ARHGAP11B: variants seen among roughly 807,000 people sequenced by gnomAD.
The protein encoded by ARHGAP11B is inactive Rho GTPase-activating protein 11B.
In ARHGAP11B, 14 loss-of-function variants were observed where a neutral mutation model predicts 27.6. That is an observed-to-expected ratio of 0.51 (90% confidence interval 0.34 to 0.79). The LOEUF is 0.79. Ranked by LOEUF, ARHGAP11B falls within the 30% of genes least tolerant of loss-of-function variation. The pLI is 0.02. For synonymous variants in ARHGAP11B, 82 were observed against 114.1 expected (o/e 0.72, Z 1.80); for missense variants, 245 against 320.1 (o/e 0.77, Z 1.79).
chr15:30,628,174 G>T (rs1005986391), intron 1 of ARHGAP11B, among the ~76,000 whole-genome samples: 1 of 150,966 alleles, frequency 6.6e-6, no homozygotes, highest in Non-Finnish European at 1.5e-5. Flanking sequence ...TCCGCCTCCC[G>T]GGTTCACGCC....
At chr15:30,648,222 C>G (rs1211775091) in intron 10 of ARHGAP11B, among the ~76,000 whole-genome samples, 3 of 152,048 alleles carry the variant, frequency 2.0e-5, no homozygotes, top group African/African-American at 7.2e-5. Flanking sequence ...TAGCACGTAG[C>G]TTCCCTATGA....
chr15:30,630,953 T>A (rs2060241605), intron 2 of ARHGAP11B, among the ~76,000 whole-genome samples, 180 bp downstream of exon 2: 1 of 151,944 alleles, frequency 6.6e-6, no homozygotes, highest in Non-Finnish European at 1.5e-5. Context: ...ACACTTGTAG[T>A]CCCAGCTACT....
chr15:30,640,901 G>C (rs2060311348), intron 7 of ARHGAP11B, among the ~76,000 whole-genome samples: 1 of 144,160 alleles, frequency 6.9e-6, no homozygotes, highest in African/African-American at 2.5e-5. Flanking sequence ...ACATAGTTCA[G>C]TTTTTTTTTT....
rs138054385 is a variant in ARHGAP11B, at chr15:30,632,527, T to G, written c.201-963T>G. 4.6e-3 allele frequency among the ~76,000 whole-genome samples: 692 copies of G among 151,998 alleles called. 7 individuals carry two copies. Among genetic ancestry groups the G allele is most frequent in the African/African-American group, 0.016 (647 of 41,490 alleles). On this transcript the variant is annotated intron_variant, in intron 2 of 10. Coordinates refer to ENST00000428041, the Ensembl canonical transcript of ARHGAP11B. ...GCAATTTCATGACCTACTTTTTATTTAATTAAAAAGACTGTTTTGTCAGTT... is the reference window on the plus strand; with the variant it reads ...GCAATTTCATGACCTACTTTTTATTGAATTAAAAAGACTGTTTTGTCAGTT...
intron 2 of ARHGAP11B, 52 bp from the exon 3 acceptor site, chr15:30,633,438 G>A: frequency 2.0e-6 from 3 of 1,508,580 alleles, no homozygotes; most frequent in Non-Finnish European, 2.7e-6. Flanking sequence ...TGTTAGCAGA[G>A]GAATAGGATG....
chr15:30,647,599 C>T lies in ARHGAP11B; in HGVS notation c.*325-69C>T, dbSNP rs2060358486. On this transcript the variant is annotated intron_variant, in intron 9 of 10. Coordinates refer to ENST00000428041, the Ensembl canonical transcript of ARHGAP11B. ...AGATCTGAGTTTTTAACTTTGCTGTCACTTTCTGTGTTGTGTGAGTTAAAT... is the reference window on the plus strand; with the variant it reads ...AGATCTGAGTTTTTAACTTTGCTGTTACTTTCTGTGTTGTGTGAGTTAAAT... 2 of 167,862 alleles carry T rather than the reference C, an allele frequency of 1.2e-5. 1 individual carries two copies. The highest frequency in any genetic ancestry group is 4.1e-4 in the South Asian group (2 of 4,902). 10.4% of individuals were successfully genotyped at this position (167,862 alleles called of 1,614,324 possible). A position where few individuals can be genotyped will look rare whatever the true frequency, so the allele number is the denominator to read the frequency against.
At chr15:30,637,352 G>T in intron 6 of ARHGAP11B, among the ~76,000 whole-genome samples, 1 of 152,008 alleles carries the variant, frequency 6.6e-6, no homozygotes, top group African/African-American at 2.4e-5. Context: ...TTAACCATGG[G>T]TTCTACCTCT....
rs2060213080 is a variant in ARHGAP11B at position 30,626,978 on chromosome 15, T to C, written c.129+29T>C. On this transcript the variant is annotated intron_variant, in intron 1 of 10. Transcript: ENST00000428041. ...AGTTCTGTGAAAAGGGATTTAGGTT[T>C]AAAAGAAAGGGCACACCCTTTATCA... is the stretch of plus-strand genomic sequence containing the variant. The C allele has an allele frequency of 1.2e-6, 2 of 1,610,732 alleles. 1 individual carries two copies. The highest frequency in any genetic ancestry group is 1.7e-6 in the Non-Finnish European group (2 of 1,178,496).
At chr15:30,642,490 G>A (rs2060321443) in intron 7 of ARHGAP11B, among the ~76,000 whole-genome samples, 2 of 151,990 alleles carry the variant, frequency 1.3e-5, no homozygotes, top group Non-Finnish European at 2.9e-5. Context: ...ACATTCAGGA[G>A]TCAGGTGGGT....
intron 1 of ARHGAP11B, among the ~76,000 whole-genome samples, chr15:30,629,717 G>T (rs2060232729): frequency 6.6e-6 from 1 of 152,098 alleles, no homozygotes; most frequent in Non-Finnish European, 1.5e-5. Context: ...TGACAATGCT[G>T]AGTGATTTTT....
At chr15:30,647,002 G>C (rs1023586321) in intron 9 of ARHGAP11B, among the ~76,000 whole-genome samples, 1 of 151,844 alleles carries the variant, frequency 6.6e-6, no homozygotes, top group Non-Finnish European at 1.5e-5. Flanking sequence ...GATATCATAA[G>C]ACCTTTTCCC....
chr15:30,637,508 G>A (rs924016043), intron 6 of ARHGAP11B, among the ~76,000 whole-genome samples: 2 of 152,068 alleles, frequency 1.3e-5, no homozygotes, highest in Admixed American at 6.6e-5. Context: ...ACCAAGGTGG[G>A]CGGATCATGA....
intron 8 of ARHGAP11B, chr15:30,646,097 T>C: frequency 1.3e-6 from 1 of 798,808 alleles, no homozygotes; most frequent in South Asian, 4.2e-5. Context: ...ACTTCTGTTA[T>C]TTTCTTTCCT....
At chr15:30,630,658 T>C (rs879171355) in intron 1 of ARHGAP11B, 45 bp from the exon 2 acceptor site, 2 of 1,545,546 alleles carry the variant, frequency 1.3e-6, no homozygotes, top group African/African-American at 1.4e-5. Flanking sequence ...AAAACTGATA[T>C]TATGCCTAAT....
At position 30,634,747 on chromosome 15, in the gene ARHGAP11B, T is replaced by G. The variant is rs980493023; in HGVS notation, c.551+324T>G. Among the ~76,000 whole-genome samples the G allele has an allele frequency of 5.3e-5, 8 of 151,442 alleles. No homozygotes were observed. In the East Asian group the frequency reaches 1.6e-3, roughly 30 times the overall value. ...AAAATTTCCCTCTCCCTGCTGTCAG[T>G]GAGCCTGCTTATTCTAGACATACTT... is the stretch of plus-strand genomic sequence containing the variant. On this transcript the variant is annotated intron_variant, in intron 4 of 10. Transcript: ENST00000428041.
At chr15:30,628,460 C>T (rs1003786569) in intron 1 of ARHGAP11B, among the ~76,000 whole-genome samples, 2 of 152,040 alleles carry the variant, frequency 1.3e-5, no homozygotes, top group African/African-American at 4.8e-5. Context: ...TCCACCCCTA[C>T]TACATCTGTA....
intron 9 of ARHGAP11B, among the ~76,000 whole-genome samples, chr15:30,646,825 C>A (rs192972379): frequency 6.6e-6 from 1 of 151,628 alleles, no homozygotes; most frequent in Non-Finnish European, 1.5e-5. Context: ...CAAAATTAGC[C>A]GGGCGTGGTG....
chr15:30,647,982 A>G (rs960448004), intron 10 of ARHGAP11B, among the ~76,000 whole-genome samples: 1 of 151,934 alleles, frequency 6.6e-6, no homozygotes, highest in Non-Finnish European at 1.5e-5. Context: ...ATTTTCATAG[A>G]GACAAGGTCT....
At chr15:30,635,415 A>G in intron 5 of ARHGAP11B, 72 bp from the exon 6 acceptor site, 3 of 1,536,718 alleles carry the variant, frequency 2.0e-6, no homozygotes, top group Non-Finnish European at 2.6e-6. Context: ...TTGGTATATT[A>G]GTATCTAAAC....
Sources: gnomAD v4.1 joint callset for allele counts (sites outside exome capture counted in the v4.1 genomes callset) on GRCh38, gnomAD v4.1.1 for gene constraint, MANE v1.5 for transcripts, NCBI Gene and HGNC (gene_info 2026-07-23, HGNC 2026-07-21) for gene names.